Variants in CENPW observed in about 807,000 individuals in gnomAD.
CENPW encodes cancer-up-regulated gene 2 protein.
CENPW carries 3 observed loss-of-function variants against 11.1 expected under a neutral mutation model. The ratio of observed to expected loss-of-function variants is 0.27; its 90% CI spans 0.12 to 0.70. The LOEUF (loss-of-function observed/expected upper bound fraction) is 0.70. Ranked by LOEUF, CENPW falls within the 30% of genes least tolerant of loss-of-function variation. The pLI, the probability that CENPW is intolerant of heterozygous loss-of-function variation, is 0.77. For synonymous variants in CENPW, 38 were observed against 42.0 expected (o/e 0.91, Z 0.37); for missense variants, 100 against 105.6 (o/e 0.95, Z 0.23).
chr6:126,407,085 C>T, the CENPW span, among the ~76,000 whole-genome samples: 2 of 152,090 alleles, frequency 1.3e-5, no homozygotes, highest in Non-Finnish European at 2.9e-5. Flanking sequence ...GATGCTATAC[C>T]CATCACCTCC....
At chr6:126,474,517 G>A in the CENPW span, among the ~76,000 whole-genome samples, 1 of 152,052 alleles carries the variant, frequency 6.6e-6, no homozygotes, top group Non-Finnish European at 1.5e-5. Context: ...TTTAATAACA[G>A]GTAGTTCCCA....
chr6:126,378,465 GTTT>G, the CENPW span, among the ~76,000 whole-genome samples: 1 of 146,364 alleles, frequency 6.8e-6, no homozygotes, highest in Admixed American at 6.8e-5. Flanking sequence ...TGTCCCTTGA[GTTT>G]TTTTTTTTTT....
chr6:126,419,200 A>T, the CENPW span, among the ~76,000 whole-genome samples: 13 of 152,160 alleles, frequency 8.5e-5, no homozygotes, highest in Admixed American at 3.3e-4. Flanking sequence ...CTGACTCAGG[A>T]TGAGAAGGAA....
chr6:126,364,059 C>T, the CENPW span, among the ~76,000 whole-genome samples: 1 of 152,120 alleles, frequency 6.6e-6, no homozygotes, highest in South Asian at 2.1e-4. Context: ...GCTTTTTAAT[C>T]CCAAGAGTTT....
chr6:126,395,536 T>G, the CENPW span, among the ~76,000 whole-genome samples: 1 of 152,242 alleles, frequency 6.6e-6, no homozygotes, highest in Admixed American at 6.5e-5. Flanking sequence ...AGGATTGGTC[T>G]TTGGTGCCTT....
the CENPW span, among the ~76,000 whole-genome samples, chr6:126,456,585 A>G: frequency 6.6e-6 from 1 of 151,468 alleles, no homozygotes; most frequent in African/African-American, 2.4e-5. Context: ...ATGTTAAACC[A>G]AAACCATTAA....
downstream of CENPW, among the ~76,000 whole-genome samples, chr6:126,353,714 G>A (rs1780518223): frequency 6.6e-6 from 1 of 151,792 alleles, no homozygotes; most frequent in Non-Finnish European, 1.5e-5. Flanking sequence ...TTCTAATTAT[G>A]TATTATTCTT....
chr6:126,346,400 A>G (rs1780412411), intron 2 of CENPW, 82 bp downstream of exon 2: 1 of 690,844 alleles, frequency 1.4e-6, no homozygotes, highest in Non-Finnish European at 2.4e-6. Flanking sequence ...TGATTTGTAT[A>G]CCTTACTCAG....
the CENPW span, among the ~76,000 whole-genome samples, chr6:126,446,353 C>T: frequency 5.7e-4 from 84 of 148,562 alleles, 1 homozygote; most frequent in African/African-American, 2.1e-3. Flanking sequence ...TGACCCCCTC[C>T]CTGGCCCCCC....
chr6:126,428,197 A>G, the CENPW span, among the ~76,000 whole-genome samples: 3 of 152,356 alleles, frequency 2.0e-5, no homozygotes, highest in African/African-American at 7.2e-5. Flanking sequence ...TTACACATGT[A>G]TCTTGACATT....
downstream of CENPW, among the ~76,000 whole-genome samples, chr6:126,353,847 C>A (rs1417795528): frequency 6.6e-6 from 1 of 151,966 alleles, no homozygotes; most frequent in African/African-American, 2.4e-5. Context: ...ATTTTCTCAT[C>A]TGTTTCATCT....
At chr6:126,359,757 CTTTTTTT>C in the CENPW span, among the ~76,000 whole-genome samples, 1 of 137,938 alleles carries the variant, frequency 7.2e-6, no homozygotes, top group African/African-American at 2.6e-5. Context: ...TTTTTCTTTT[CTTTTTTT>C]TTTTTTTACA....
At chr6:126,416,170 C>T in the CENPW span, among the ~76,000 whole-genome samples, 1 of 152,112 alleles carries the variant, frequency 6.6e-6, no homozygotes, top group African/African-American at 2.4e-5. Context: ...GATGACTCTT[C>T]TTATGTTTTA....
the CENPW span, among the ~76,000 whole-genome samples, chr6:126,378,501 A>G: frequency 2.6e-5 from 4 of 151,788 alleles, no homozygotes; most frequent in African/African-American, 7.3e-5. Context: ...ACTTCAATCA[A>G]TGTAGGCAGA....
the CENPW span, among the ~76,000 whole-genome samples, chr6:126,368,963 C>G: frequency 1.3e-5 from 2 of 152,188 alleles, no homozygotes; most frequent in Admixed American, 6.5e-5. Flanking sequence ...CCTCAAGTGC[C>G]TAGTCCATTG....
the CENPW span, among the ~76,000 whole-genome samples, chr6:126,426,034 G>A: frequency 6.6e-6 from 1 of 152,044 alleles, no homozygotes; most frequent in Non-Finnish European, 1.5e-5. Context: ...ACTACTAAAT[G>A]TGCATCCTTA....
At chr6:126,431,990 A>G in the CENPW span, among the ~76,000 whole-genome samples, 4 of 148,138 alleles carry the variant, frequency 2.7e-5, no homozygotes, top group African/African-American at 7.5e-5. Context: ...GCTTGAACCC[A>G]GAAGGTGGAG....
At chr6:126,377,306 A>G in the CENPW span, among the ~76,000 whole-genome samples, 1 of 152,190 alleles carries the variant, frequency 6.6e-6, no homozygotes, top group South Asian at 2.1e-4. Flanking sequence ...CATATTTAGC[A>G]GTTTACTACC....
the CENPW span, among the ~76,000 whole-genome samples, chr6:126,460,505 C>T: frequency 1.5e-4 from 23 of 151,834 alleles, no homozygotes; most frequent in African/African-American, 4.3e-4. Context: ...TGTGCCCTAA[C>T]ATCTTACCCC....
Sources: allele counts gnomAD v4.1 joint callset (sites outside exome capture counted in the v4.1 genomes callset), GRCh38; gene constraint gnomAD v4.1.1; transcripts MANE v1.5; gene names NCBI Gene and HGNC (gene_info 2026-07-23, HGNC 2026-07-21).